The following MRPL39 variants were observed in gnomAD, a reference collection of about 807,000 sequenced individuals.
MRPL39 encodes the protein mitochondrial ribosomal protein L39.
A neutral mutation model predicts 44.5 loss-of-function variants in MRPL39; 35 were observed. The ratio of observed to expected loss-of-function variants is 0.79; its 90% confidence interval spans 0.60 to 1.04. The LOEUF (loss-of-function observed/expected upper bound fraction) is 1.04, where lower values mean the gene tolerates loss of function less well. MRPL39 is among the 50% of genes least tolerant of loss of function. The probability of loss-of-function intolerance (pLI) is 0.00; values close to 1 mark genes in which losing one functional copy is unlikely to be tolerated. For synonymous variants in MRPL39, 139 were observed against 136.1 expected (o/e 1.02, Z -0.15); for missense variants, 433 against 413.5 (o/e 1.05, Z -0.41).
chr21:25,592,294 T>C (rs553588273), intron 8 of MRPL39, among the ~76,000 whole-genome samples: 2 of 152,334 alleles, frequency 1.3e-5, no homozygotes, highest in East Asian at 3.9e-4. Flanking sequence ...CTGGTGGTGA[T>C]ACTGTATTTT....
chr21:25,598,308 A>T (rs2031419566), intron 5 of MRPL39, among the ~76,000 whole-genome samples: 1 of 152,090 alleles, frequency 6.6e-6, no homozygotes, highest in Admixed American at 6.6e-5. Flanking sequence ...TTTAAAAAAG[A>T]AAAATGCAAA....
At chr21:25,596,465 T>G (rs2031364012) in intron 6 of MRPL39, among the ~76,000 whole-genome samples, 1 of 152,220 alleles carries the variant, frequency 6.6e-6, no homozygotes, top group African/African-American at 2.4e-5. Flanking sequence ...CACATGTCAA[T>G]TAACATCCTA....
rs770414336 is a variant in MRPL39 at position 25,601,348 on chromosome 21, GACATATATGTATAC to G, written c.520+6_520+19del. On this transcript the variant is annotated splice_donor_region_variant and intron_variant, in intron 4 of 9. Transcript: ENST00000352957. Reference sequence around the variant, plus strand: ...CCAAAATATTTAAGGATCACAAAAAGACATATATGTATACACTACCAGGAACTTCTGGAGCTCTG... The same window carrying G: ...CCAAAATATTTAAGGATCACAAAAAGACTACCAGGAACTTCTGGAGCTCTG... 2.0e-6 allele frequency: 1 copy of G among 501,434 alleles called. No individual in the cohort carries two copies. 31.1% of individuals were successfully genotyped at this position (501,434 alleles called of 1,614,324 possible).
rs112114940 is a variant in MRPL39, at chr21:25,597,819, T to C, written c.589-405A>G. On this transcript the variant is annotated intron_variant, in intron 5 of 9. Transcript: ENST00000352957. The stretch of plus-strand genomic sequence containing the variant: ...TGAATAAATCTAAGTTTATTAAATA[T>C]ATGGGGAAAAATTATTGTTTTCTTA... Among the ~76,000 whole-genome samples, 541 of 152,236 alleles carry C rather than the reference T, an allele frequency of 3.6e-3. 5 individuals carry two copies. Among genetic ancestry groups the C allele is most frequent in the African/African-American group, 0.012 (516 of 41,542 alleles).
chr21:25,607,525 C>T (rs751975698), upstream of MRPL39: 37 of 1,588,004 alleles, frequency 2.3e-5, no homozygotes, highest in Non-Finnish European at 2.7e-5. Context: ...CCTCCTCCCC[C>T]GGAAACCGAA....
chr21:25,606,071 T>G lies in MRPL39; in HGVS notation c.280+378A>C, dbSNP rs114687983. Among the ~76,000 whole-genome samples, 516 of 152,224 alleles carry G rather than the reference T, an allele frequency of 3.4e-3. 5 individuals carry two copies. Among genetic ancestry groups the G allele is most frequent in the African/African-American group, 0.011 (474 of 41,532 alleles). On this transcript the variant is annotated intron_variant, in intron 2 of 9. Coordinates refer to ENST00000352957, the MANE Select transcript of MRPL39 (RefSeq NM_017446.4). Reference sequence around the variant, plus strand: ...CCTCCAGAACTACAGGGACAGTGAATAGACAATAAGGTGCCAGATAAAGAA... The same window carrying G: ...CCTCCAGAACTACAGGGACAGTGAAGAGACAATAAGGTGCCAGATAAAGAA...
intron 5 of MRPL39, among the ~76,000 whole-genome samples, chr21:25,598,654 TTC>T (rs906327793): frequency 3.3e-5 from 5 of 151,766 alleles, no homozygotes; most frequent in African/African-American, 1.2e-4. Flanking sequence ...TTCCATCCTC[TTC>T]TCTCTCTCTT....
intron 9 of MRPL39, chr21:25,587,853 T>TAA: frequency 8.2e-7 from 1 of 1,222,002 alleles, no homozygotes; most frequent in Non-Finnish European, 1.2e-6. Flanking sequence ...GTGTGATGCT[T>TAA]AATGTGCCTG....
chr21:25,595,423 G>A (rs2031325346), intron 6 of MRPL39, among the ~76,000 whole-genome samples: 1 of 152,146 alleles, frequency 6.6e-6, no homozygotes, highest in South Asian at 2.1e-4. Flanking sequence ...GTCCTATCAA[G>A]CTTCCTCCAG....
intron 2 of MRPL39, 111 bp from the exon 3 acceptor site, chr21:25,604,046 T>C: frequency 3.0e-6 from 3 of 1,012,712 alleles, no homozygotes; most frequent in Non-Finnish European, 4.3e-6. Flanking sequence ...CTGCAGACTG[T>C]CCTTTTTAGA....
chr21:25,600,154 G>C (rs1345360994), intron 4 of MRPL39, among the ~76,000 whole-genome samples: 1 of 152,042 alleles, frequency 6.6e-6, no homozygotes, highest in Admixed American at 6.6e-5. Flanking sequence ...TAAAAATTCT[G>C]GGAAGCCAAG....
chr21:25,591,079 CAAA>C (rs55796940), intron 8 of MRPL39, among the ~76,000 whole-genome samples: 105,528 of 130,264 alleles, frequency 0.81, 43,087 homozygotes, highest in Non-Finnish European at 0.9. Flanking sequence ...CTATAGCCCA[CAAA>C]AAAAAAAAAA....
rs552813911 is a variant in MRPL39 at position 25,588,962 on chromosome 21, T to C, written c.922-80A>G. On this transcript the variant is annotated intron_variant, in intron 8 of 9. Coordinates refer to ENST00000352957, the MANE Select transcript of MRPL39 (RefSeq NM_017446.4). ...AAGGACAGAGTCTTTATATAGCTTT[T>C]AGAACAAAATAAATAAAAAGCTAGG... 5.0e-6 allele frequency: 6 copies of C among 1,188,784 alleles called. No homozygotes were observed. The African/African-American group carries it at 7.7e-5, about 15-fold the overall frequency. 73.6% of individuals were successfully genotyped at this position (1,188,784 alleles called of 1,614,324 possible).
At chr21:25,596,449 T>C (rs1313654353) in intron 6 of MRPL39, among the ~76,000 whole-genome samples, 1 of 152,220 alleles carries the variant, frequency 6.6e-6, no homozygotes, top group Non-Finnish European at 1.5e-5. Flanking sequence ...ACACAGTACA[T>C]GGTTTCACAT....
At chr21:25,601,276 G>A in intron 4 of MRPL39, 92 bp downstream of exon 4, 3 of 637,800 alleles carry the variant, frequency 4.7e-6, no homozygotes, top group East Asian at 6.3e-5. Flanking sequence ...TATGTATAAT[G>A]GTAATTTATA....
chr21:25,595,543 G>A (rs2031329518), intron 6 of MRPL39, among the ~76,000 whole-genome samples: 1 of 152,176 alleles, frequency 6.6e-6, no homozygotes, highest in Non-Finnish European at 1.5e-5. Context: ...GTACTGAATG[G>A]AAGTCAAAAG....
chr21:25,603,114 T>C (rs1048727594), intron 3 of MRPL39, among the ~76,000 whole-genome samples: 2 of 152,110 alleles, frequency 1.3e-5, no homozygotes, highest in African/African-American at 2.4e-5. Context: ...CCATGAAAAA[T>C]TGAGTCAATT....
At position 25,606,521 on chromosome 21, in the gene MRPL39, C is replaced by A. The variant is rs1011358717; in HGVS notation, c.208G>T (p.Val70Phe). ...ACAGTACCGGGGTCAGTTTTCCCAA[C>A]ATGCTTAACTTCTATCTTCTCAGTT... ...PRTEKIEVKH[V>F]GKTDPGTVFV... The change falls in exon 2 of 10, where the codon GTT (valine) becomes TTT (phenylalanine). Residue 70 changes from valine (V) to phenylalanine (F), a missense_variant. Transcript: ENST00000352957. 6.2e-7 allele frequency: 1 copy of A among 1,613,966 alleles called. No individual in the cohort carries two copies. Among genetic ancestry groups the A allele is most frequent in the South Asian group, 1.1e-5 (1 of 91,064 alleles).
chr21:25,598,162 A>T (rs1379045734), intron 5 of MRPL39, among the ~76,000 whole-genome samples: 1 of 152,150 alleles, frequency 6.6e-6, no homozygotes, highest in Admixed American at 6.5e-5. Context: ...TTTACTGTAT[A>T]AAAAAATCAA....
Sources: allele counts gnomAD v4.1 joint callset (sites outside exome capture counted in the v4.1 genomes callset), GRCh38; gene constraint gnomAD v4.1.1; transcripts MANE v1.5; gene names NCBI Gene and HGNC (gene_info 2026-07-23, HGNC 2026-07-21).